The following AFAP1 variants were observed in gnomAD, a reference collection of about 807,000 sequenced individuals.
AFAP1 encodes actin filament associated protein 1, also known as actin filament-associated protein 1.
Under a neutral mutation model 93.9 loss-of-function variants are expected in AFAP1, and 75 were observed. The observed-to-expected ratio is 0.80, with a 90% confidence interval of 0.66 to 0.97. AFAP1 has a LOEUF of 0.97. Among genes scored for constraint, AFAP1 ranks in the 50% least tolerant of loss-of-function variants. The pLI is 0.00. For missense variants in AFAP1, 1,201 were observed against 1,050.8 expected, an observed-to-expected ratio of 1.14 and a Z score of -1.98; for synonymous variants, 517 against 430.7, an observed-to-expected ratio of 1.20 and a Z score of -2.48.
intron 15 of AFAP1, chr4:7,773,225 G>C: frequency 1.5e-6 from 1 of 687,204 alleles, no homozygotes; most frequent in East Asian, 3.0e-5. Context: ...TGAGGACTCG[G>C]ACCAGGAAAG....
At chr4:7,803,448 G>A (rs557366583) in intron 9 of AFAP1, among the ~76,000 whole-genome samples, 21 of 152,142 alleles carry the variant, frequency 1.4e-4, no homozygotes, top group African/African-American at 4.8e-4. Flanking sequence ...ACCCAGTCCC[G>A]ATCCCCAAAA....
intron 4 of AFAP1, among the ~76,000 whole-genome samples, chr4:7,852,366 C>A (rs1172864584): frequency 6.6e-6 from 1 of 152,286 alleles, no homozygotes; most frequent in African/African-American, 2.4e-5. Context: ...GAAGCTGCCA[C>A]CTGGCCACAC....
chr4:7,871,473 C>G (rs181697746), intron 2 of AFAP1, among the ~76,000 whole-genome samples: 48 of 151,838 alleles, frequency 3.2e-4, no homozygotes, highest in African/African-American at 1.0e-3. Context: ...AAATGTCGCA[C>G]AGAGCTTGCT....
At chr4:7,823,778 C>G (rs940222211) in intron 6 of AFAP1, among the ~76,000 whole-genome samples, 6 of 152,174 alleles carry the variant, frequency 3.9e-5, no homozygotes, top group African/African-American at 9.7e-5. Flanking sequence ...TCACATTGCC[C>G]CAGGAAAATA....
At chr4:7,844,754 C>T (rs1022999988) in intron 4 of AFAP1, among the ~76,000 whole-genome samples, 6 of 152,244 alleles carry the variant, frequency 3.9e-5, no homozygotes, top group African/African-American at 1.2e-4. Context: ...TAAATACCAG[C>T]GCCCGTCATT....
Position 7,781,515 on chromosome 4 carries a change from C to A in AFAP1, c.1643G>T (p.Arg548Leu), listed in dbSNP as rs773999790. ...DNLPPPHIFA[R>L]YSPADRKASR... Reference sequence around the variant, plus strand: ...GGCCTTTCTGTCAGCAGGAGAGTAGCGGGCAAAGATGTGCGGAGGCGGCAA... The same window carrying A: ...GGCCTTTCTGTCAGCAGGAGAGTAGAGGGCAAAGATGTGCGGAGGCGGCAA... The change falls in exon 13 of 18, where the codon CGC becomes CTC. Residue 548 changes from arginine to leucine, a missense_variant. Coordinates refer to ENST00000420658, the MANE Select transcript of AFAP1 (RefSeq NM_001134647.2). The A allele has an allele frequency of 1.3e-6, 2 of 1,552,196 alleles. No homozygotes were observed. The highest frequency in any genetic ancestry group is 2.0e-5 in the Admixed American group (1 of 50,996).
chr4:7,773,042 G>C (rs1292442007), intron 15 of AFAP1, 32 bp from the exon 16 acceptor site: 2 of 1,591,342 alleles, frequency 1.3e-6, no homozygotes, highest in East Asian at 2.2e-5. Context: ...TTACTCCCGC[G>C]GCAGGCACAG....
chr4:7,770,046 C>T (rs1008663497), intron 16 of AFAP1, among the ~76,000 whole-genome samples: 5 of 152,208 alleles, frequency 3.3e-5, no homozygotes, highest in African/African-American at 9.7e-5. Flanking sequence ...GCCACTCTCC[C>T]GAGGACGGCC....
At chr4:7,824,401 G>C (rs1002184538) in intron 6 of AFAP1, among the ~76,000 whole-genome samples, 1 of 148,284 alleles carries the variant, frequency 6.7e-6, no homozygotes, top group Non-Finnish European at 1.5e-5. Flanking sequence ...CCTACACAAA[G>C]GCTCATGTTT....
rs1553845906 is a variant in AFAP1, at chr4:7,847,794, G to GGGGGA, written c.335-4445_335-4444insTCCCC. On this transcript the variant is annotated intron_variant, in intron 4 of 17. Transcript: ENST00000420658. ...GGAAGGTTCTATTTCAGGGGTACTC[G>GGGGGA]GGGTGGGGCATTGATTAGATACCAT... is the stretch of plus-strand genomic sequence containing the variant. Among the ~76,000 whole-genome samples, 156 of 94,840 alleles carry GGGGGA rather than the reference G, an allele frequency of 1.6e-3. 11 individuals carry two copies. The highest frequency in any genetic ancestry group is 8.0e-3 in the African/African-American group (151 of 18,868). 62.2% of individuals were successfully genotyped at this position (94,840 alleles called of 152,430 possible).
At chr4:7,788,507 T>G (rs1411516552) in intron 11 of AFAP1, 2 of 152,220 alleles carry the variant, frequency 1.3e-5, no homozygotes, top group Admixed American at 6.5e-5. Flanking sequence ...TTTATAAACT[T>G]TTTCCTTTGC....
At chr4:7,870,603 G>A (rs1005057600) in intron 2 of AFAP1, among the ~76,000 whole-genome samples, 6 of 152,136 alleles carry the variant, frequency 3.9e-5, no homozygotes, top group Non-Finnish European at 4.4e-5. Context: ...ACTGCAGTGA[G>A]CAGTGATCAC....
intron 8 of AFAP1, among the ~76,000 whole-genome samples, chr4:7,814,689 C>CCA (rs1208563943): frequency 5.9e-5 from 9 of 152,154 alleles, no homozygotes; most frequent in Non-Finnish European, 2.9e-5. Flanking sequence ...CGAGATGCTT[C>CCA]CACGTTATGA....
rs551382397 is a variant in AFAP1, at chr4:7,876,025, A to G, written c.-2-3945T>C. Among the ~76,000 whole-genome samples, 5 of 152,330 alleles carry G rather than the reference A, an allele frequency of 3.3e-5. No homozygotes were observed. In the East Asian group the frequency reaches 7.7e-4, roughly 23 times the overall value. Reference sequence around the variant, plus strand: ...GATGGTGAATATACCTAATGACACTAAATTTTATACTCAAAAAGGGTTAAA... The same window carrying G: ...GATGGTGAATATACCTAATGACACTGAATTTTATACTCAAAAAGGGTTAAA... On this transcript the variant is annotated intron_variant, in intron 1 of 17. Coordinates refer to ENST00000420658, the MANE Select transcript of AFAP1 (RefSeq NM_001134647.2).
At chr4:7,927,573 C>G (rs1720835813) in intron 1 of AFAP1, among the ~76,000 whole-genome samples, 1 of 152,160 alleles carries the variant, frequency 6.6e-6, no homozygotes, top group African/African-American at 2.4e-5. Flanking sequence ...GCCTGTAATT[C>G]CAAAACTTTG....
At chr4:7,823,728 C>T (rs532929700) in intron 6 of AFAP1, among the ~76,000 whole-genome samples, 11 of 152,294 alleles carry the variant, frequency 7.2e-5, no homozygotes, top group African/African-American at 2.2e-4. Flanking sequence ...AAGCCAGCCA[C>T]GTTTGCTCTC....
At chr4:7,913,573 T>C (rs1345016073) in intron 1 of AFAP1, among the ~76,000 whole-genome samples, 3 of 152,134 alleles carry the variant, frequency 2.0e-5, no homozygotes, top group Non-Finnish European at 4.4e-5. Flanking sequence ...TCACATACTG[T>C]TTACATAAGT....
chr4:7,929,934 A>C (rs932138068), intron 1 of AFAP1, among the ~76,000 whole-genome samples: 3 of 152,240 alleles, frequency 2.0e-5, no homozygotes, highest in Non-Finnish European at 2.9e-5. Context: ...GGACCTAGAC[A>C]CACCAAAAAT....
chr4:7,821,649 C>G (rs1720982773), intron 6 of AFAP1, among the ~76,000 whole-genome samples: 1 of 152,204 alleles, frequency 6.6e-6, no homozygotes, highest in South Asian at 2.1e-4. Flanking sequence ...CTTTTTAGGA[C>G]TAAGCTGCAA....
Sources: gnomAD v4.1 joint callset for allele counts (sites outside exome capture counted in the v4.1 genomes callset) on GRCh38, gnomAD v4.1.1 for gene constraint, MANE v1.5 for transcripts, NCBI Gene and HGNC (gene_info 2026-07-23, HGNC 2026-07-21) for gene names.